CERKL: variants seen among roughly 807,000 people sequenced by gnomAD.
The protein encoded by CERKL is ceramide kinase-like protein.
CERKL carries 61 observed loss-of-function variants against 63.4 expected under a neutral mutation model. The ratio of observed to expected loss-of-function variants is 0.96; its 90% CI spans 0.78 to 1.19. The LOEUF is 1.19. CERKL is among the 50% of genes most tolerant of loss of function. CERKL has a pLI of 0.00. For missense variants in CERKL, 675 were observed against 655.5 expected (o/e 1.03, Z -0.33); for synonymous variants, 250 against 230.5 (o/e 1.08, Z -0.77).
intron 2 of CERKL, among the ~76,000 whole-genome samples, chr2:181,601,121 C>T (rs1685441685): frequency 6.6e-6 from 1 of 152,068 alleles, no homozygotes; most frequent in African/African-American, 2.4e-5. Context: ...AAAATTAATG[C>T]ATAAATCAAA....
chr2:181,645,890 G>A (rs1011040577), intron 1 of CERKL, among the ~76,000 whole-genome samples: 1 of 152,124 alleles, frequency 6.6e-6, no homozygotes, highest in African/African-American at 2.4e-5. Context: ...TCTTGAAGTG[G>A]GGTGGTAATA....
intron 2 of CERKL, among the ~76,000 whole-genome samples, chr2:181,576,049 A>C (rs34617456): frequency 0.41 from 62,258 of 151,958 alleles, 13,808 homozygotes; most frequent in African/African-American, 0.58. Flanking sequence ...CAAACTGAGA[A>C]AATACAATAT....
chr2:181,614,978 C>A (rs538456993), intron 1 of CERKL, among the ~76,000 whole-genome samples: 1 of 152,032 alleles, frequency 6.6e-6, no homozygotes, highest in South Asian at 2.1e-4. Flanking sequence ...TTTTGCTTGG[C>A]GGCATGTGGT....
Position 181,590,670 on chromosome 2 carries a change from G to A in CERKL, c.481+13167C>T, listed in dbSNP as rs140048724. On this transcript the variant is annotated intron_variant, in intron 2 of 12. Transcript: ENST00000410087. ...ATTAAGAATAGCCCTGAGACTAGCC[G>A]AACTTGAAAAGATGCTGAACTTTAA... is the stretch of plus-strand genomic sequence containing the variant. Among the ~76,000 whole-genome samples the A allele has an allele frequency of 7.0e-3, 1,071 of 152,192 alleles. 17 individuals carry two copies. The highest frequency in any genetic ancestry group is 0.024 in the African/African-American group (1,009 of 41,512).
intron 1 of CERKL, among the ~76,000 whole-genome samples, chr2:181,636,967 A>T (rs1043556425): frequency 6.6e-6 from 1 of 152,240 alleles, no homozygotes. Context: ...ATCATGTCAA[A>T]TTGATTACAG....
intron 1 of CERKL, among the ~76,000 whole-genome samples, chr2:181,606,414 A>G (rs1273151002): frequency 5.1e-4 from 1 of 1,956 alleles, no homozygotes; most frequent in Non-Finnish European, 1.2e-3. Context: ...GGGAGGGGAG[A>G]GGAGGGGGAG....
intron 1 of CERKL, among the ~76,000 whole-genome samples, chr2:181,652,588 A>G (rs1156791880): frequency 6.6e-6 from 1 of 152,196 alleles, no homozygotes; most frequent in African/African-American, 2.4e-5. Flanking sequence ...AGGATTTTTA[A>G]AATAAGACCT....
At chr2:181,562,599 G>A (rs1322040246) in intron 4 of CERKL, among the ~76,000 whole-genome samples, 1 of 152,082 alleles carries the variant, frequency 6.6e-6, no homozygotes, top group African/African-American at 2.4e-5. Context: ...ATAAACCTTA[G>A]AGTAACTAAT....
intron 2 of CERKL, among the ~76,000 whole-genome samples, chr2:181,574,985 G>T (rs978705034): frequency 1.3e-5 from 2 of 152,072 alleles, no homozygotes; most frequent in Admixed American, 1.3e-4. Context: ...GCCCTTTTTG[G>T]TAAGAAGCCT....
At chr2:181,542,889 G>A (rs752665606) in intron 11 of CERKL, among the ~76,000 whole-genome samples, 1 of 150,420 alleles carries the variant, frequency 6.6e-6, no homozygotes, top group East Asian at 1.9e-4. Flanking sequence ...TCAGAAGAAA[G>A]GTATATTGAT....
rs371505696 is a variant in CERKL, at chr2:181,555,372, G to C, written c.820+3194C>G. ...AAGAAATAAAATGCCATGAAAAGATGGCCCAAAATGCATCATTTTTCTCTT... is the reference window on the plus strand; with the variant it reads ...AAGAAATAAAATGCCATGAAAAGATCGCCCAAAATGCATCATTTTTCTCTT... On this transcript the variant is annotated intron_variant, in intron 5 of 12. Coordinates refer to ENST00000410087, the MANE Select transcript of CERKL (RefSeq NM_201548.5). Among the ~76,000 whole-genome samples, 15 of 152,210 alleles carry C rather than the reference G, an allele frequency of 9.9e-5. No homozygotes were observed. The East Asian group carries it at 1.2e-3, about 12-fold the overall frequency.
intron 2 of CERKL, among the ~76,000 whole-genome samples, chr2:181,578,180 G>A (rs545679955): frequency 2.3e-4 from 35 of 151,356 alleles, no homozygotes; most frequent in East Asian, 1.2e-3. Flanking sequence ...CTATATACAC[G>A]CATATATATA....
chr2:181,582,273 C>A (rs1684544780), intron 2 of CERKL, among the ~76,000 whole-genome samples: 1 of 152,120 alleles, frequency 6.6e-6, no homozygotes, highest in African/African-American at 2.4e-5. Context: ...TTGTATCATG[C>A]AGAACCATCT....
intron 1 of CERKL, among the ~76,000 whole-genome samples, chr2:181,612,049 T>A (rs1282365728): frequency 2.0e-5 from 3 of 152,236 alleles, no homozygotes; most frequent in Admixed American, 6.5e-5. Context: ...TTGTATTATC[T>A]AATTTAATCT....
At chr2:181,559,510 A>C (rs1688348382) in intron 4 of CERKL, among the ~76,000 whole-genome samples, 1 of 152,184 alleles carries the variant, frequency 6.6e-6, no homozygotes, top group Non-Finnish European at 1.5e-5. Context: ...ACAAGGGCCC[A>C]GCAGGAATGG....
In CERKL at chr2:181,536,727, T is replaced by C. The variant is rs201624823; in HGVS notation, c.*1457A>G. The C allele has an allele frequency of 2.8e-5, 7 of 247,262 alleles. No homozygotes were observed. Among genetic ancestry groups the C allele is most frequent in the Non-Finnish European group, 4.1e-5 (5 of 123,426 alleles). The allele number at this position is 247,262 out of a possible 1,614,324, so 15.3% of individuals were successfully genotyped here. ...TTGTTCATACTATATGAGGTTCTATTTTAAATGACTTTCTGGATTTTAAAA... is the reference window on the plus strand; with the variant it reads ...TTGTTCATACTATATGAGGTTCTATCTTAAATGACTTTCTGGATTTTAAAA... On this transcript the variant is annotated 3_prime_UTR_variant, in exon 13 of 13. Coordinates refer to ENST00000410087, the MANE Select transcript of CERKL (RefSeq NM_201548.5).
At chr2:181,649,991 G>T in intron 1 of CERKL, 1 of 152,756 alleles carries the variant, frequency 6.5e-6, no homozygotes, top group Non-Finnish European at 1.5e-5. Context: ...AGGCTGAGGT[G>T]AGAGGATTGC....
rs370647601 is a variant in CERKL at position 181,566,163 on chromosome 2, A to C, written c.614-42T>G. On this transcript the variant is annotated intron_variant, in intron 3 of 12. Coordinates refer to ENST00000410087, the MANE Select transcript of CERKL (RefSeq NM_201548.5). Reference sequence around the variant, plus strand: ...CACACATACACAAAGTGACAGTTTTAAACAATGATCACACTTTTTAACTTG... The same window carrying C: ...CACACATACACAAAGTGACAGTTTTCAACAATGATCACACTTTTTAACTTG... 1.8e-5 allele frequency: 27 copies of C among 1,475,812 alleles called. No homozygotes were observed. The African/African-American group carries it at 2.8e-4, about 15-fold the overall frequency. The allele number at this position is 1,475,812 out of a possible 1,614,324, so 91.4% of individuals were successfully genotyped here.
intron 5 of CERKL, among the ~76,000 whole-genome samples, chr2:181,555,752 C>CT (rs34713780): frequency 0.026 from 3,124 of 120,110 alleles, 74 homozygotes; most frequent in Admixed American, 0.061. Context: ...CATTATTAAA[C>CT]TTTTTTTTTT....
Sources: gnomAD v4.1 joint callset for allele counts (sites outside exome capture counted in the v4.1 genomes callset) on GRCh38, gnomAD v4.1.1 for gene constraint, MANE v1.5 for transcripts, NCBI Gene and HGNC (gene_info 2026-07-23, HGNC 2026-07-21) for gene names.